Variants in HNMT observed in about 807,000 individuals in gnomAD.
The protein encoded by HNMT is histamine N-methyltransferase.
In HNMT, 30 loss-of-function variants were observed where a neutral mutation model predicts 32.1. The ratio of observed to expected loss-of-function variants is 0.93; its 90% CI spans 0.70 to 1.27. The LOEUF (loss-of-function observed/expected upper bound fraction) is 1.27, where lower values mean the gene tolerates loss of function less well. HNMT is among the 50% of genes most tolerant of loss of function. The pLI, the probability that HNMT is intolerant of heterozygous loss-of-function variation, is 0.00. For missense variants in HNMT, 327 were observed against 346.0 expected, an observed-to-expected ratio of 0.95 and a Z score of 0.43; for synonymous variants, 125 against 119.0, an observed-to-expected ratio of 1.05 and a Z score of -0.33.
At chr2:137,965,082 C>A (rs1042301575) in intron 1 of HNMT, among the ~76,000 whole-genome samples, 1 of 152,094 alleles carries the variant, frequency 6.6e-6, no homozygotes, top group African/African-American at 2.4e-5. Flanking sequence ...CTCATAATAT[C>A]CATTTAAATT....
chr2:137,986,514 G>A (rs112015518), intron 2 of HNMT, among the ~76,000 whole-genome samples: 71 of 152,196 alleles, frequency 4.7e-4, no homozygotes, highest in African/African-American at 1.7e-3. Flanking sequence ...TTGATTGGAT[G>A]AGGGAGGGCA....
chr2:137,971,452 A>G (rs1467343131), intron 2 of HNMT, among the ~76,000 whole-genome samples: 1 of 152,236 alleles, frequency 6.6e-6, no homozygotes, highest in East Asian at 1.9e-4. Flanking sequence ...TGCTGGGATT[A>G]CAGGCATGAG....
chr2:137,982,946 G>C (rs1303782500), intron 2 of HNMT, among the ~76,000 whole-genome samples: 2 of 152,108 alleles, frequency 1.3e-5, no homozygotes, highest in African/African-American at 4.8e-5. Flanking sequence ...AAATGAAAGA[G>C]CTGAGGTTCA....
chr2:138,011,171 T>C (rs1483895249), intron 5 of HNMT, among the ~76,000 whole-genome samples: 1 of 152,006 alleles, frequency 6.6e-6, no homozygotes, highest in African/African-American at 2.4e-5. Context: ...GCAAATTTTT[T>C]GCAATTAGTG....
At chr2:137,967,277 C>T (rs1317007004) in intron 1 of HNMT, 27 of 596,264 alleles carry the variant, frequency 4.5e-5, no homozygotes, top group Non-Finnish European at 7.2e-5. Context: ...CTGAACAAGG[C>T]GGCATGCACA....
Position 138,014,246 on chromosome 2 carries a change from T to C in HNMT, c.*116T>C. 1.4e-6 allele frequency: 1 copy of C among 689,966 alleles called. No individual in the cohort carries two copies. Among genetic ancestry groups the C allele is most frequent in the Non-Finnish European group, 2.4e-6 (1 of 419,206 alleles). The allele number at this position is 689,966 out of a possible 1,614,324, so 42.7% of individuals were successfully genotyped here. A position where few individuals can be genotyped will look rare whatever the true frequency, so the allele number is the denominator to read the frequency against. ...TAATGTAGATAAAGCACTGTTTGGA[T>C]ATGAGATGTAGCAAATTCCAATACA... On this transcript the variant is annotated 3_prime_UTR_variant, in exon 6 of 6. Transcript: ENST00000280097.
At chr2:137,987,740 A>G (rs1037802894) in intron 2 of HNMT, among the ~76,000 whole-genome samples, 1 of 151,524 alleles carries the variant, frequency 6.6e-6, no homozygotes, top group African/African-American at 2.4e-5. Flanking sequence ...CCAGCATTTA[A>G]GTATCCTTAG....
At chr2:138,012,543 G>A (rs1236238632) in intron 5 of HNMT, among the ~76,000 whole-genome samples, 1 of 152,092 alleles carries the variant, frequency 6.6e-6, no homozygotes, top group Non-Finnish European at 1.5e-5. Context: ...ACCATTTACT[G>A]TGCTCTTTCT....
At chr2:137,999,493 T>A (rs1298943584) in intron 2 of HNMT, among the ~76,000 whole-genome samples, 1 of 152,142 alleles carries the variant, frequency 6.6e-6, no homozygotes, top group African/African-American at 2.4e-5. Flanking sequence ...CTTTTCCCAG[T>A]CTAGCATCTT....
intron 2 of HNMT, among the ~76,000 whole-genome samples, chr2:137,985,610 C>A (rs1680630025): frequency 6.6e-6 from 1 of 152,174 alleles, no homozygotes; most frequent in Non-Finnish European, 1.5e-5. Context: ...AACCAGCTGT[C>A]TACCTACTTA....
chr2:137,986,771 T>A (rs2104951215), intron 2 of HNMT, among the ~76,000 whole-genome samples: 1 of 152,332 alleles, frequency 6.6e-6, no homozygotes, highest in South Asian at 2.1e-4. Context: ...AAAAATAAGC[T>A]ATAATTCTAT....
At position 138,002,090 on chromosome 2, in the gene HNMT, G is replaced by A. The variant is rs528223406; in HGVS notation, c.325G>A (p.Glu109Lys). The change falls in exon 4 of 6, where the codon GAG (glutamate) becomes AAG (lysine). Residue 109 changes from glutamate to lysine, a missense_variant. Transcript: ENST00000280097. ...GCTTGTAGCCAAGACATCGAACCTC[G>A]AGAACGTAAAGTTTGCTTGGCATAA... ...KELVAKTSNL[E>K]NVKFAWHKET... 3.8e-4 allele frequency: 600 copies of A among 1,593,058 alleles called. 4 individuals carry two copies. The South Asian group carries it at 4.5e-3, about 12-fold the overall frequency.
Position 138,000,909 on chromosome 2 carries a change from A to G in HNMT, c.191-9A>G. Reference sequence around the variant, plus strand: ...ATGATGTGACCTGTCCCATATGTTTATCTTCTAGGTGAAATTGATCTTCAA... The same window carrying G: ...ATGATGTGACCTGTCCCATATGTTTGTCTTCTAGGTGAAATTGATCTTCAA... On this transcript the variant is annotated splice_polypyrimidine_tract_variant and intron_variant, in intron 2 of 5. Transcript: ENST00000280097. 6.6e-7 allele frequency: 1 copy of G among 1,517,750 alleles called. No individual in the cohort carries two copies. The highest frequency in any genetic ancestry group is 1.2e-5 in the South Asian group (1 of 86,626). 94.0% of individuals were successfully genotyped at this position (1,517,750 alleles called of 1,614,324 possible).
At chr2:137,968,880 T>A (rs890222099) in intron 1 of HNMT, among the ~76,000 whole-genome samples, 2 of 152,180 alleles carry the variant, frequency 1.3e-5, no homozygotes, top group African/African-American at 4.8e-5. Flanking sequence ...CATCCCAAAG[T>A]CCAAAGAAAC....
At chr2:138,001,743 T>C (rs1681179577) in intron 3 of HNMT, among the ~76,000 whole-genome samples, 1 of 152,022 alleles carries the variant, frequency 6.6e-6, no homozygotes. Context: ...TCCTGAATTA[T>C]ACAAACATAT....
intron 5 of HNMT, among the ~76,000 whole-genome samples, chr2:138,011,000 T>G (rs1244793691): frequency 1.3e-5 from 2 of 151,976 alleles, no homozygotes; most frequent in Non-Finnish European, 2.9e-5. Flanking sequence ...TTGTGTGTTA[T>G]TTTTAGTGCA....
chr2:137,970,513 A>G (rs1446269046), intron 2 of HNMT, among the ~76,000 whole-genome samples: 4 of 152,176 alleles, frequency 2.6e-5, no homozygotes, highest in Non-Finnish European at 4.4e-5. Flanking sequence ...TGATTAAAAT[A>G]CTCACAGAAA....
chr2:138,010,991 T>C (rs1681486007), intron 5 of HNMT, among the ~76,000 whole-genome samples: 1 of 151,884 alleles, frequency 6.6e-6, no homozygotes, highest in African/African-American at 2.4e-5. Flanking sequence ...GGAAAATCAT[T>C]GTGTGTTATT....
chr2:137,999,360 C>T (rs1173258770), intron 2 of HNMT, among the ~76,000 whole-genome samples: 2 of 152,248 alleles, frequency 1.3e-5, no homozygotes, highest in Non-Finnish European at 1.5e-5. Context: ...AAAATTGTCA[C>T]ATAAGTGACT....
Sources: allele counts gnomAD v4.1 joint callset (sites outside exome capture counted in the v4.1 genomes callset), GRCh38; gene constraint gnomAD v4.1.1; transcripts MANE v1.5; gene names NCBI Gene and HGNC (gene_info 2026-07-23, HGNC 2026-07-21).